Variants in MYO16 observed in about 807,000 individuals in gnomAD.
The protein encoded by MYO16 is myosin XVI, also known as unconventional myosin-XVI.
MYO16 carries 94 observed loss-of-function variants against 205.3 expected under a neutral mutation model. That is an observed-to-expected ratio of 0.46 (90% confidence interval 0.39 to 0.54). The LOEUF is 0.54. Ranked by LOEUF, MYO16 falls within the 20% of genes least tolerant of loss-of-function variation. The pLI is 0.00. For missense variants in MYO16, 2,315 were observed against 2,387.5 expected, an observed-to-expected ratio of 0.97 and a Z score of 0.63; for synonymous variants, 988 against 954.0, an observed-to-expected ratio of 1.04 and a Z score of -0.66.
chr13:108,920,527 C>G (rs768807133), intron 16 of MYO16, among the ~76,000 whole-genome samples: 1 of 152,126 alleles, frequency 6.6e-6, no homozygotes, highest in Non-Finnish European at 1.5e-5. Flanking sequence ...GGTGCCATCT[C>G]AGCTCACTGC....
chr13:108,547,853 T>C, the MYO16 span, among the ~76,000 whole-genome samples: 1 of 152,206 alleles, frequency 6.6e-6, no homozygotes, highest in Non-Finnish European at 1.5e-5. Flanking sequence ...CCCTATTCTC[T>C]TATTCTAATA....
chr13:108,516,378 C>T, the MYO16 span, among the ~76,000 whole-genome samples: 2 of 151,982 alleles, frequency 1.3e-5, no homozygotes, highest in Non-Finnish European at 1.5e-5. Flanking sequence ...CACTGTCTGG[C>T]ACTCCCTAGT....
At chr13:108,794,185 G>A (rs566482395) in intron 6 of MYO16, among the ~76,000 whole-genome samples, 1 of 146,074 alleles carries the variant, frequency 6.8e-6, no homozygotes, top group Admixed American at 6.9e-5. Context: ...AGGGTGGAGG[G>A]TGGGAGGAGG....
chr13:109,140,968 T>C lies in MYO16; in HGVS notation c.4756T>C (p.Ser1586Pro), dbSNP rs760596025. ...CCCCGGCCTGGCGCTGTTCAACGGG[T>C]CCGGCCGAGCCTCCCCGCCGTCCAC... is the stretch of plus-strand genomic sequence containing the variant. ...ASPGLALFNG[S>P]GRASPPSTPP... The change falls in exon 32 of 35, where the codon TCC becomes CCC. Residue 1586 changes from serine (S) to proline (P), a missense_variant. By Grantham distance (74) the Ser-to-Pro change is moderately conservative. Transcript: ENST00000457511. This position sits in a 1 kb window ranked among gnomAD's most constrained non-coding sequence, Gnocchi z 8.0. 26 of 1,459,744 alleles carry C rather than the reference T, an allele frequency of 1.8e-5. No homozygotes were observed. Among genetic ancestry groups the C allele is most frequent in the Non-Finnish European group, 2.3e-5 (25 of 1,102,404 alleles). The allele number at this position is 1,459,744 out of a possible 1,614,324, so 90.4% of individuals were successfully genotyped here.
intron 28 of MYO16, among the ~76,000 whole-genome samples, chr13:109,104,324 C>T (rs560491060): frequency 6.6e-6 from 1 of 152,286 alleles, no homozygotes; most frequent in South Asian, 2.1e-4. Flanking sequence ...ATCTGAGCAG[C>T]CTGCCCCTTG....
At chr13:109,194,757 C>A (rs577638691) in intron 34 of MYO16, among the ~76,000 whole-genome samples, 29 of 152,162 alleles carry the variant, frequency 1.9e-4, no homozygotes, top group African/African-American at 7.0e-4. Flanking sequence ...GGGCTTGATT[C>A]TTTCTTTAGG....
At chr13:108,620,123 T>C (rs1213886260) in intron 1 of MYO16, among the ~76,000 whole-genome samples, 1 of 152,172 alleles carries the variant, frequency 6.6e-6, no homozygotes, top group African/African-American at 2.4e-5. Context: ...ACCCACTACA[T>C]TGTTCTGATT....
At chr13:108,714,498 G>C (rs554304445) in intron 3 of MYO16, among the ~76,000 whole-genome samples, 33 of 152,190 alleles carry the variant, frequency 2.2e-4, no homozygotes, top group Non-Finnish European at 4.7e-4. Flanking sequence ...GTGTGAGAGA[G>C]AAAGAGGAAG....
At chr13:108,672,946 C>A (rs532408577) in intron 2 of MYO16, among the ~76,000 whole-genome samples, 21 of 151,640 alleles carry the variant, frequency 1.4e-4, no homozygotes, top group Non-Finnish European at 1.0e-4. Flanking sequence ...ATGTTATTAT[C>A]TGGTGCCTTG....
chr13:108,822,290 C>CA (rs1402859532), intron 8 of MYO16, among the ~76,000 whole-genome samples: 1 of 152,128 alleles, frequency 6.6e-6, no homozygotes, highest in African/African-American at 2.4e-5. Context: ...TAATCTGAGG[C>CA]AAATAATGAT....
At chr13:109,195,244 G>A (rs1880104077) in intron 34 of MYO16, among the ~76,000 whole-genome samples, 1 of 151,820 alleles carries the variant, frequency 6.6e-6, no homozygotes, top group Non-Finnish European at 1.5e-5. Flanking sequence ...AACTTTTAAC[G>A]TGCCTTTTAA....
intron 4 of MYO16, among the ~76,000 whole-genome samples, chr13:108,767,083 TTTTG>T (rs1319493609): frequency 2.9e-4 from 44 of 151,948 alleles, no homozygotes; most frequent in African/African-American, 9.6e-4. Flanking sequence ...GTATCTGGGT[TTTTG>T]TTTGTTTGTT....
intron 1 of MYO16, among the ~76,000 whole-genome samples, chr13:108,646,888 A>AAACTATT (rs1440398658): frequency 8.5e-5 from 13 of 152,124 alleles, no homozygotes; most frequent in African/African-American, 3.1e-4. Flanking sequence ...TAGTTTAAAG[A>AAACTATT]AACTGTATGC....
At chr13:108,550,435 G>C in the MYO16 span, among the ~76,000 whole-genome samples, 1 of 152,238 alleles carries the variant, frequency 6.6e-6, no homozygotes, top group African/African-American at 2.4e-5. Flanking sequence ...CCTTGGACTT[G>C]AATCTAGAGT....
rs548661991 is a variant in MYO16 at position 108,744,888 on chromosome 13, T to TA, written c.507+17308dup. ...TTGATTTTATAAATCAGCTACTACT[T>TA]AAACCTTACCATCACTAGAATCTAT... On this transcript the variant is annotated intron_variant, in intron 4 of 34. Transcript: ENST00000457511. Among the ~76,000 whole-genome samples the TA allele has an allele frequency of 3.9e-3, 598 of 152,330 alleles. 2 individuals are homozygous for TA. Among genetic ancestry groups the TA allele is most frequent in the Non-Finnish European group, 5.5e-3 (372 of 68,034 alleles).
chr13:108,791,007 A>G (rs1886600333), intron 5 of MYO16, among the ~76,000 whole-genome samples: 1 of 152,262 alleles, frequency 6.6e-6, no homozygotes, highest in South Asian at 2.1e-4. Flanking sequence ...AAGAGTGACT[A>G]TCAGATTCTT....
chr13:109,048,492 C>T (rs914273904), intron 24 of MYO16: 3 of 504,354 alleles, frequency 5.9e-6, no homozygotes, highest in Admixed American at 6.7e-5. Context: ...CTCACCTCTG[C>T]TGTTATAATG....
At position 108,753,919 on chromosome 13, in the gene MYO16, A is replaced by ATG. The variant is rs536384021; in HGVS notation, c.507+26346_507+26347dup. The stretch of plus-strand genomic sequence containing the variant: ...TTTGGCTGATCTCAGACAGTTGACA[A>ATG]TGTGTGTGTGTTGATATTACAATAG... On this transcript the variant is annotated intron_variant, in intron 4 of 34. Transcript: ENST00000457511. Among the ~76,000 whole-genome samples, 13 of 152,354 alleles carry ATG rather than the reference A, an allele frequency of 8.5e-5. No homozygotes were observed. The South Asian group carries it at 2.7e-3, about 32-fold the overall frequency.
At chr13:109,149,514 T>C (rs1877533889) in intron 32 of MYO16, among the ~76,000 whole-genome samples, 1 of 152,246 alleles carries the variant, frequency 6.6e-6, no homozygotes, top group Non-Finnish European at 1.5e-5. Flanking sequence ...CTTTCTATTA[T>C]GCCCTTCATA....
Sources: gnomAD v4.1 joint callset for allele counts (sites outside exome capture counted in the v4.1 genomes callset) on GRCh38, gnomAD v4.1.1 for gene constraint, Gnocchi (gnomAD v3.1) non-coding constraint, MANE v1.5 for transcripts, NCBI Gene and HGNC (gene_info 2026-07-23, HGNC 2026-07-21) for gene names.